The following MGAT5 variants were observed in gnomAD, a reference collection of about 807,000 sequenced individuals.
MGAT5 encodes the protein alpha-1,6-mannosylglycoprotein 6-beta-N-acetylglucosaminyltransferase, also known as alpha-1,6-mannosylglycoprotein 6-beta-N-acetylglucosaminyltransferase A.
Under a neutral mutation model 94.3 loss-of-function variants are expected in MGAT5, and 30 were observed. The ratio of observed to expected loss-of-function variants is 0.32; its 90% CI spans 0.24 to 0.43. The LOEUF (loss-of-function observed/expected upper bound fraction) is 0.43. Among genes scored for constraint, MGAT5 ranks in the 20% least tolerant of loss-of-function variants. MGAT5 has a pLI of 1.00. For synonymous variants in MGAT5, 310 were observed against 322.9 expected (o/e 0.96, Z 0.43); for missense variants, 691 against 905.5 (o/e 0.76, Z 3.04).
chr2:134,383,617 A>G (rs1452316719), intron 10 of MGAT5, among the ~76,000 whole-genome samples: 1 of 152,146 alleles, frequency 6.6e-6, no homozygotes, highest in Admixed American at 6.5e-5. Flanking sequence ...TATTAATAAT[A>G]CAGGGATTAA....
intron 1 of MGAT5, among the ~76,000 whole-genome samples, chr2:134,223,313 G>T (rs577483567): frequency 6.6e-6 from 1 of 152,172 alleles, no homozygotes; most frequent in African/African-American, 2.4e-5. Flanking sequence ...GTCCCTGGGC[G>T]TAGAGCAGGG....
intron 11 of MGAT5, among the ~76,000 whole-genome samples, chr2:134,404,458 A>G (rs1290125282): frequency 6.6e-6 from 1 of 152,204 alleles, no homozygotes; most frequent in Non-Finnish European, 1.5e-5. Context: ...GAAATAGGCT[A>G]CAGAGTTTGG....
At chr2:134,159,023 T>G (rs1297535542) in intron 1 of MGAT5, among the ~76,000 whole-genome samples, 1 of 152,254 alleles carries the variant, frequency 6.6e-6, no homozygotes, top group Non-Finnish European at 1.5e-5. Context: ...TCAATGTTGA[T>G]TACATGTTTT....
intron 9 of MGAT5, among the ~76,000 whole-genome samples, chr2:134,359,802 T>G (rs915112408): frequency 6.6e-6 from 1 of 152,188 alleles, no homozygotes; most frequent in African/African-American, 2.4e-5. Flanking sequence ...ATAAGCACCA[T>G]TAAGAACACT....
In MGAT5 at chr2:134,350,356, G is replaced by A. The variant is rs1282898589; in HGVS notation, c.1246+418G>A. ...ACATAATTAAACCTTAATTATTTAA[G>A]CATCAAACTTTTTAAAGAAAAAAAT... On this transcript the variant is annotated intron_variant, in intron 9 of 15. Coordinates refer to ENST00000281923, the MANE Select transcript of MGAT5 (RefSeq NM_002410.5). Among the ~76,000 whole-genome samples, 3 of 152,028 alleles carry A rather than the reference G, an allele frequency of 2.0e-5. No individual in the cohort carries two copies. The South Asian group carries it at 6.2e-4, about 32-fold the overall frequency.
At chr2:134,213,506 C>A (rs182917593) in intron 1 of MGAT5, among the ~76,000 whole-genome samples, 1 of 152,256 alleles carries the variant, frequency 6.6e-6, no homozygotes, top group African/African-American at 2.4e-5. Flanking sequence ...TCTGACACTA[C>A]CGGGAGTTAT....
rs150892178 is a variant in MGAT5 at position 134,437,286 on chromosome 2, G to A, written c.1870-4472G>A. 4.2e-3 allele frequency among the ~76,000 whole-genome samples: 633 copies of A among 152,292 alleles called. 5 individuals are homozygous for A. Among genetic ancestry groups the A allele is most frequent in the African/African-American group, 0.014 (593 of 41,560 alleles). ...ATTACAGGCATGAGCCACCCTGCCT[G>A]GCCTCTAGCTTCAGTGTTAACCTTT... On this transcript the variant is annotated intron_variant, in intron 14 of 15. Transcript: ENST00000281923.
intron 15 of MGAT5, among the ~76,000 whole-genome samples, chr2:134,447,472 C>G (rs1685853959): frequency 6.6e-6 from 1 of 152,178 alleles, no homozygotes; most frequent in South Asian, 2.1e-4. Flanking sequence ...AATCATTTAT[C>G]CCCATTCTAT....
intron 1 of MGAT5, among the ~76,000 whole-genome samples, chr2:134,157,696 G>A (rs1687540115): frequency 1.3e-5 from 2 of 151,990 alleles, no homozygotes; most frequent in South Asian, 4.1e-4. Context: ...TCACCATAAT[G>A]TAGAATCAGT....
At chr2:134,323,493 A>G (rs984912054) in intron 4 of MGAT5, among the ~76,000 whole-genome samples, 2 of 152,010 alleles carry the variant, frequency 1.3e-5, no homozygotes, top group Non-Finnish European at 2.9e-5. Flanking sequence ...CCTCTTGCCA[A>G]CTCTAAAGAG....
intron 1 of MGAT5, among the ~76,000 whole-genome samples, chr2:134,235,408 G>A (rs773054271): frequency 6.6e-5 from 10 of 152,070 alleles, no homozygotes; most frequent in South Asian, 4.1e-4. Context: ...TATTTAAAAC[G>A]TCTTCCAACA....
chr2:134,223,719 G>A (rs1051275980), intron 1 of MGAT5, among the ~76,000 whole-genome samples: 1 of 152,078 alleles, frequency 6.6e-6, no homozygotes, highest in South Asian at 2.1e-4. Context: ...CAATTTATGT[G>A]CAAGGTTAGT....
At chr2:134,162,304 G>A (rs1382773118) in intron 1 of MGAT5, among the ~76,000 whole-genome samples, 1 of 152,112 alleles carries the variant, frequency 6.6e-6, no homozygotes, top group Non-Finnish European at 1.5e-5. Context: ...GAAGACTGGC[G>A]GGTTGTCAGC....
chr2:134,192,143 G>A lies in MGAT5; in HGVS notation c.-142-62119G>A, dbSNP rs13393885. On this transcript the variant is annotated intron_variant, in intron 1 of 16. Coordinates refer to the MGAT5 transcript ENST00000409645. ...GGGTTCCTGATGGAAGGGTGGGTTC[G>A]CGCCCTCCTCGCGCTAGTGGGTTCC... Among the ~76,000 whole-genome samples, 1,071 of 149,592 alleles carry A rather than the reference G, an allele frequency of 7.2e-3. 10 individuals are homozygous for A. The highest frequency in any genetic ancestry group is 0.024 in the African/African-American group (992 of 40,526).
intron 1 of MGAT5, among the ~76,000 whole-genome samples, chr2:134,237,109 T>A (rs1681676316): frequency 9.3e-6 from 1 of 107,354 alleles, no homozygotes; most frequent in African/African-American, 3.9e-5. Flanking sequence ...AGGTAGGTTA[T>A]GTAGAAGGAG....
At chr2:134,138,215 C>CTT (rs5834400) in intron 1 of MGAT5, among the ~76,000 whole-genome samples, 17,906 of 148,812 alleles carry the variant, frequency 0.12, 1,172 homozygotes, top group East Asian at 0.2. Context: ...TATCATTGCC[C>CTT]TTTTTTTTTT....
intron 15 of MGAT5, among the ~76,000 whole-genome samples, chr2:134,446,717 G>A (rs1259765640): frequency 1.3e-5 from 2 of 152,204 alleles, no homozygotes; most frequent in Non-Finnish European, 2.9e-5. Context: ...ATTTAGGGTA[G>A]TTGCAGTGCT....
At chr2:134,194,933 G>A (rs920440595) in intron 1 of MGAT5, among the ~76,000 whole-genome samples, 11 of 152,166 alleles carry the variant, frequency 7.2e-5, no homozygotes, top group African/African-American at 2.4e-4. Context: ...TTGAAGTTGG[G>A]TGCTCTTTTA....
chr2:134,409,034 T>C (rs1345833240), intron 11 of MGAT5, among the ~76,000 whole-genome samples: 1 of 152,180 alleles, frequency 6.6e-6, no homozygotes, highest in African/African-American at 2.4e-5. Context: ...TATGAAACAA[T>C]GAGAACTCAT....
Sources: allele counts gnomAD v4.1 joint callset (sites outside exome capture counted in the v4.1 genomes callset), GRCh38; gene constraint gnomAD v4.1.1; transcripts MANE v1.5; gene names NCBI Gene and HGNC (gene_info 2026-07-23, HGNC 2026-07-21).